The following FRAS1 variants were observed in gnomAD, a reference collection of about 807,000 sequenced individuals.
The protein encoded by FRAS1 is extracellular matrix organizing protein FRAS1.
A neutral mutation model predicts 435.2 loss-of-function variants in FRAS1; 290 were observed. The ratio of observed to expected loss-of-function variants is 0.67; its 90% CI spans 0.61 to 0.73. FRAS1 has a LOEUF of 0.73. Ranked by LOEUF, FRAS1 falls within the 30% of genes least tolerant of loss-of-function variation. FRAS1 has a pLI of 0.00. For synonymous variants in FRAS1, 1,800 were observed against 1,851.0 expected (o/e 0.97, Z 0.71); for missense variants, 4,860 against 5,001.5 (o/e 0.97, Z 0.85).
chr4:78,369,939 T>A lies in FRAS1; in HGVS notation c.2824T>A (p.Cys942Ser). The A allele has an allele frequency of 1.2e-6, 2 of 1,613,844 alleles. No individual in the cohort carries two copies. The highest frequency in any genetic ancestry group is 1.7e-6 in the Non-Finnish European group (2 of 1,179,776). The stretch of plus-strand genomic sequence containing the variant: ...CTTTGGGGAATGTCAATACGAGAGC[T>A]GCGCCCCACAGTACTATCTTGACTT... ...LLFGECQYES[C>S]APQYYLDFST... Residue 942 changes from cysteine (C) to serine (S), a missense_variant, in exon 23 of 74, where the codon TGC (cysteine) becomes AGC (serine). Coordinates refer to ENST00000512123, the MANE Select transcript of FRAS1 (RefSeq NM_025074.7).
intron 12 of FRAS1, 96 bp from the exon 13 acceptor site, chr4:78,284,309 T>C (rs1378569083): frequency 3.2e-6 from 4 of 1,232,092 alleles, no homozygotes; most frequent in Non-Finnish European, 4.7e-6. Flanking sequence ...ATGTTCTATG[T>C]AATGCTACAT....
At chr4:78,367,024 A>G (rs1409681851) in intron 22 of FRAS1, among the ~76,000 whole-genome samples, 5 of 152,182 alleles carry the variant, frequency 3.3e-5, no homozygotes, top group Non-Finnish European at 7.4e-5. Flanking sequence ...CAGCAATTCA[A>G]AATGCTCAGC....
rs752890029 is a variant in FRAS1, at chr4:78,534,623, G to T, written c.11092+8G>T. The T allele has an allele frequency of 6.2e-7, 1 of 1,611,300 alleles. No homozygotes were observed. Among genetic ancestry groups the T allele is most frequent in the Non-Finnish European group, 8.5e-7 (1 of 1,178,304 alleles). ...AAGGAGCCTTTTCAAAAGGTGAGTT[G>T]CTTCCTCCACCTGCAGAAAGAGGCT... On this transcript the variant is annotated splice_region_variant and intron_variant, in intron 71 of 73. Coordinates refer to ENST00000512123, the MANE Select transcript of FRAS1 (RefSeq NM_025074.7).
rs1719474940 is a variant in FRAS1 at position 78,464,690 on chromosome 4, T to G, written c.7029+107T>G. The G allele has an allele frequency of 7.4e-6, 9 of 1,212,308 alleles. No homozygotes were observed. In the East Asian group the frequency reaches 2.2e-4, roughly 29 times the overall value. 75.1% of individuals were successfully genotyped at this position (1,212,308 alleles called of 1,614,324 possible). ...CTGATGGTAGGGAGGAGCTGTAAGG[T>G]GAGTGCAAGCATCCTTGAAGGATTA... is the stretch of plus-strand genomic sequence containing the variant. On this transcript the variant is annotated intron_variant, in intron 49 of 73. Transcript: ENST00000512123.
intron 27 of FRAS1, among the ~76,000 whole-genome samples, chr4:78,381,937 T>A (rs573376341): frequency 1.3e-5 from 2 of 152,246 alleles, no homozygotes; most frequent in South Asian, 4.1e-4. Flanking sequence ...TAAAACGAGG[T>A]TGGTAGAAAC....
chr4:78,238,826 T>C (rs1378858856), intron 3 of FRAS1, among the ~76,000 whole-genome samples: 1 of 152,202 alleles, frequency 6.6e-6, no homozygotes, highest in African/African-American at 2.4e-5. Context: ...AAGACATAGA[T>C]TGCATTGCTG....
chr4:78,308,325 T>C, intron 15 of FRAS1, 116 bp downstream of exon 15: 1 of 1,047,244 alleles, frequency 9.5e-7, no homozygotes, highest in Non-Finnish European at 1.4e-6. Context: ...TATATGTGAA[T>C]AGCTGCTGAG....
intron 56 of FRAS1, 22 bp downstream of exon 56, chr4:78,479,740 T>C (rs777772600): frequency 5.3e-6 from 8 of 1,516,598 alleles, no homozygotes; most frequent in Non-Finnish European, 6.2e-6. Flanking sequence ...TGTCTCTGAG[T>C]TTCCTTCACC....
At chr4:78,277,511 T>C (rs1308602203) in intron 9 of FRAS1, among the ~76,000 whole-genome samples, 1 of 152,128 alleles carries the variant, frequency 6.6e-6, no homozygotes, top group Non-Finnish European at 1.5e-5. Flanking sequence ...AAAAGTACTT[T>C]AAAGAATACT....
At chr4:78,396,314 G>C (rs7675357) in intron 29 of FRAS1, among the ~76,000 whole-genome samples, 40,309 of 151,922 alleles carry the variant, frequency 0.27, 5,538 homozygotes, top group Admixed American at 0.32. Flanking sequence ...TATATTCTTA[G>C]CTTTTCCAGT....
rs926596698 is a variant in FRAS1 at position 78,515,263 on chromosome 4, T to C, written c.10175-536T>C. On this transcript the variant is annotated intron_variant, in intron 65 of 73. Coordinates refer to ENST00000512123, the MANE Select transcript of FRAS1 (RefSeq NM_025074.7). ...ACTCACTAACAAAAAATTAAGACTT[T>C]CCCCCGACAAGAGTTCAGAAACTGT... 6.0e-5 allele frequency among the ~76,000 whole-genome samples: 9 copies of C among 150,626 alleles called. No individual in the cohort carries two copies. In the East Asian group the frequency reaches 1.8e-3, roughly 29 times the overall value.
At chr4:78,489,104 A>G in intron 59 of FRAS1, 24 bp downstream of exon 59, 2 of 1,586,704 alleles carry the variant, frequency 1.3e-6, no homozygotes, top group Non-Finnish European at 1.7e-6. Flanking sequence ...TGGTGGCTGA[A>G]AGATGAGATT....
chr4:78,128,837 T>C (rs1182048760), intron 2 of FRAS1, among the ~76,000 whole-genome samples: 7 of 152,240 alleles, frequency 4.6e-5, no homozygotes, highest in Non-Finnish European at 7.3e-5. Flanking sequence ...CCCATGCCTA[T>C]GTCCTGAATG....
chr4:78,432,700 A>AGT (rs1333600806), intron 38 of FRAS1, 96 bp downstream of exon 38: 1 of 1,375,932 alleles, frequency 7.3e-7, no homozygotes, highest in East Asian at 2.4e-5. Flanking sequence ...TTGGGGCAGC[A>AGT]GGTATATGGT....
At chr4:78,387,117 C>A (rs1732244866) in intron 28 of FRAS1, among the ~76,000 whole-genome samples, 1 of 152,088 alleles carries the variant, frequency 6.6e-6, no homozygotes. Flanking sequence ...TAGAAGCTAG[C>A]AGCTCTCACC....
At chr4:78,472,407 A>C (rs200673128) in intron 52 of FRAS1, 77 bp downstream of exon 52, 28 of 1,329,360 alleles carry the variant, frequency 2.1e-5, no homozygotes, top group African/African-American at 1.5e-5. Flanking sequence ...GATTCTTCTC[A>C]CAGCCACTTC....
chr4:78,479,617 G>T lies in FRAS1; in HGVS notation c.8342G>T (p.Arg2781Leu), dbSNP rs373377563. The T allele has an allele frequency of 6.2e-7, 1 of 1,613,866 alleles. No homozygotes were observed. Among genetic ancestry groups the T allele is most frequent in the Non-Finnish European group, 8.5e-7 (1 of 1,179,772 alleles). ...IALADASDNA[R>L]IGRVATAKVL... is the part of the protein sequence containing the mutation. ...TTGGCAGATGCCTCTGACAATGCCC[G>T]CATTGGAAGGGTGGCGACAGCCAAG... The change falls in exon 56 of 74, where the codon CGC becomes CTC. Residue 2781 changes from arginine to leucine, a missense_variant. Physicochemically the swap from Arg to Leu is moderately radical, Grantham distance 102. Transcript: ENST00000512123.
rs116071268 is a variant in FRAS1 at position 78,227,464 on chromosome 4, A to G, written c.109-10046A>G. ...CTGGTTAACATCATGAGGCTGAGTCACTGGCAATGAAACCTTGAACTCAGG... is the reference window on the plus strand; with the variant it reads ...CTGGTTAACATCATGAGGCTGAGTCGCTGGCAATGAAACCTTGAACTCAGG... On this transcript the variant is annotated intron_variant, in intron 2 of 73. Coordinates refer to ENST00000512123, the MANE Select transcript of FRAS1 (RefSeq NM_025074.7). Among the ~76,000 whole-genome samples, 937 of 152,336 alleles carry G rather than the reference A, an allele frequency of 6.2e-3. 9 individuals are homozygous for G. Among genetic ancestry groups the G allele is most frequent in the African/African-American group, 0.021 (876 of 41,582 alleles).
chr4:78,065,794 C>T (rs1281958045), intron 1 of FRAS1, among the ~76,000 whole-genome samples, 191 bp from the exon 2 acceptor site: 1 of 151,994 alleles, frequency 6.6e-6, no homozygotes, highest in African/African-American at 2.4e-5. Flanking sequence ...CATGTGTGTC[C>T]AAGGAATGTT....
Sources: allele counts gnomAD v4.1 joint callset (sites outside exome capture counted in the v4.1 genomes callset), GRCh38; gene constraint gnomAD v4.1.1; transcripts MANE v1.5; gene names NCBI Gene and HGNC (gene_info 2026-07-23, HGNC 2026-07-21).